DOCK3: variants seen among roughly 807,000 people sequenced by gnomAD.
DOCK3 encodes dedicator of cytokinesis protein 3.
DOCK3 carries 60 observed loss-of-function variants against 265.6 expected under a neutral mutation model. That is an observed-to-expected ratio of 0.23 (90% CI 0.18 to 0.28). DOCK3 has a LOEUF of 0.28. DOCK3 is among the 10% of genes least tolerant of loss of function. The probability of loss-of-function intolerance (pLI) is 1.00; values close to 1 mark genes in which losing one functional copy is unlikely to be tolerated. For missense variants in DOCK3, 1,981 were observed against 2,594.3 expected (o/e 0.76, Z 5.14); for synonymous variants, 881 against 938.0 (o/e 0.94, Z 1.11).
chr3:50,979,506 T>C (rs1196078043), intron 5 of DOCK3, among the ~76,000 whole-genome samples: 1 of 152,068 alleles, frequency 6.6e-6, no homozygotes, highest in East Asian at 1.9e-4. Flanking sequence ...GTCTGGGACT[T>C]CCTCCCCTCC....
In DOCK3 at chr3:51,127,490, C is replaced by T. The variant is rs538830608; in HGVS notation, c.747-19059C>T. 2.0e-5 allele frequency among the ~76,000 whole-genome samples: 3 copies of T among 152,340 alleles called. No individual in the cohort carries two copies. In the East Asian group the frequency reaches 5.8e-4, roughly 29 times the overall value. On this transcript the variant is annotated intron_variant, in intron 9 of 52. Transcript: ENST00000266037. ...ACATAACCGGAAACGTACCAATCCC[C>T]AACCCAAATACTATTACATAAAGTT... is the stretch of plus-strand genomic sequence containing the variant.
chr3:51,120,069 C>G (rs1011411365), intron 9 of DOCK3, among the ~76,000 whole-genome samples: 1 of 152,080 alleles, frequency 6.6e-6, no homozygotes, highest in African/African-American at 2.4e-5. Context: ...TTTTCAGCCT[C>G]TTTGCACTGG....
intron 2 of DOCK3, among the ~76,000 whole-genome samples, chr3:50,803,754 C>T (rs1339418459): frequency 1.3e-5 from 2 of 151,724 alleles, no homozygotes; most frequent in Admixed American, 6.6e-5. Flanking sequence ...GGCTGCCCCC[C>T]ACCTCCCTCC....
At chr3:50,918,633 T>G (rs1167498880) in intron 4 of DOCK3, among the ~76,000 whole-genome samples, 1 of 152,218 alleles carries the variant, frequency 6.6e-6, no homozygotes, top group African/African-American at 2.4e-5. Context: ...TAAATTTGTT[T>G]AAGTTCTTTG....
Position 50,996,745 on chromosome 3 carries a change from A to G in DOCK3, c.315+62668A>G, listed in dbSNP as rs138180958. Among the ~76,000 whole-genome samples the G allele has an allele frequency of 7.2e-5, 11 of 152,276 alleles. No individual in the cohort carries two copies. The East Asian group carries it at 2.1e-3, about 29-fold the overall frequency. On this transcript the variant is annotated intron_variant, in intron 5 of 52. Coordinates refer to ENST00000266037, the MANE Select transcript of DOCK3 (RefSeq NM_004947.5). Reference sequence around the variant, plus strand: ...GCATTTTAATTTCCCCTTTTCTTTTATTCTCTCCATACAACAGGAGCCATG... The same window carrying G: ...GCATTTTAATTTCCCCTTTTCTTTTGTTCTCTCCATACAACAGGAGCCATG...
At chr3:51,205,257 A>G (rs2089119462) in intron 12 of DOCK3, among the ~76,000 whole-genome samples, 1 of 152,144 alleles carries the variant, frequency 6.6e-6, no homozygotes, top group Non-Finnish European at 1.5e-5. Flanking sequence ...AAGGATTTAG[A>G]AAGCACTTTT....
intron 1 of DOCK3, among the ~76,000 whole-genome samples, chr3:50,697,593 A>G (rs1311062015): frequency 6.6e-6 from 1 of 152,190 alleles, no homozygotes; most frequent in Admixed American, 6.5e-5. Flanking sequence ...CTCCGTCTCA[A>G]AAACAAACCA....
At chr3:50,714,621 T>C (rs1170303984) in intron 1 of DOCK3, among the ~76,000 whole-genome samples, 2 of 152,166 alleles carry the variant, frequency 1.3e-5, no homozygotes, top group African/African-American at 2.4e-5. Flanking sequence ...GGCTAATTTT[T>C]AAATTTTTTT....
intron 4 of DOCK3, among the ~76,000 whole-genome samples, chr3:50,898,019 T>A (rs1430703729): frequency 9.5e-6 from 1 of 105,286 alleles, no homozygotes; most frequent in African/African-American, 3.8e-5. Context: ...AGTCACTCTT[T>A]TTCAGTTTTT....
intron 14 of DOCK3, among the ~76,000 whole-genome samples, chr3:51,220,707 GTGTATA>G (rs2090050457): frequency 7.7e-6 from 1 of 130,420 alleles, no homozygotes; most frequent in Admixed American, 9.0e-5. Flanking sequence ...GTGTGTGTGT[GTGTATA>G]TATATATATA....
intron 22 of DOCK3, among the ~76,000 whole-genome samples, chr3:51,249,023 CCT>C (rs1386642896): frequency 4.0e-5 from 6 of 150,084 alleles, no homozygotes; most frequent in African/African-American, 1.5e-4. Context: ...AAGTGAGGAG[CCT>C]CTCCGCCCGG....
At chr3:50,905,308 G>C (rs1248680250) in intron 4 of DOCK3, among the ~76,000 whole-genome samples, 1 of 152,052 alleles carries the variant, frequency 6.6e-6, no homozygotes, top group Non-Finnish European at 1.5e-5. Flanking sequence ...CAAAGTCATT[G>C]GTAGCTTGAT....
chr3:50,745,556 T>A (rs1423437660), intron 1 of DOCK3, among the ~76,000 whole-genome samples: 2 of 152,194 alleles, frequency 1.3e-5, no homozygotes, highest in Non-Finnish European at 2.9e-5. Context: ...TGGAAAGTGA[T>A]CAAAACCAGG....
chr3:51,083,345 C>T (rs1338473481), intron 7 of DOCK3, among the ~76,000 whole-genome samples: 1 of 152,186 alleles, frequency 6.6e-6, no homozygotes, highest in Admixed American at 6.5e-5. Context: ...GCAGCTGTTA[C>T]ACTGGATGCC....
chr3:50,941,603 C>T (rs748860626), intron 5 of DOCK3, among the ~76,000 whole-genome samples: 31 of 152,062 alleles, frequency 2.0e-4, no homozygotes, highest in Non-Finnish European at 4.0e-4. Flanking sequence ...CACATAATAG[C>T]TTTTACATGG....
intron 9 of DOCK3, among the ~76,000 whole-genome samples, chr3:51,138,507 T>G (rs1229617311): frequency 1.3e-5 from 2 of 152,226 alleles, no homozygotes; most frequent in African/African-American, 2.4e-5. Context: ...GAACTAAACT[T>G]AAGGGCTTCC....
At position 51,164,051 on chromosome 3, in the gene DOCK3, C is replaced by G. The variant is rs560852884; in HGVS notation, c.1037+3349C>G. 5.9e-5 allele frequency among the ~76,000 whole-genome samples: 9 copies of G among 152,288 alleles called. No homozygotes were observed. In the South Asian group the frequency reaches 1.9e-3, roughly 32 times the overall value. ...TTAATGCATCATTCTTTGACACTTT[C>G]ATGATGCTTTCACACTGGAAATTCA... On this transcript the variant is annotated intron_variant, in intron 12 of 52. Coordinates refer to ENST00000266037, the MANE Select transcript of DOCK3 (RefSeq NM_004947.5).
chr3:51,148,354 C>A (rs1247086352), intron 10 of DOCK3, among the ~76,000 whole-genome samples: 1 of 152,162 alleles, frequency 6.6e-6, no homozygotes, highest in Non-Finnish European at 1.5e-5. Flanking sequence ...TAATTAGATC[C>A]CATTTGTCAA....
chr3:51,269,816 A>C (rs1486844678), intron 23 of DOCK3, among the ~76,000 whole-genome samples: 1 of 152,168 alleles, frequency 6.6e-6, no homozygotes, highest in Non-Finnish European at 1.5e-5. Context: ...TGTTCCAGGC[A>C]CTCTACTAGA....
Sources: allele counts gnomAD v4.1 joint callset (sites outside exome capture counted in the v4.1 genomes callset), GRCh38; gene constraint gnomAD v4.1.1; transcripts MANE v1.5; gene names NCBI Gene and HGNC (gene_info 2026-07-23, HGNC 2026-07-21).